The following BMP5 variants were observed in gnomAD, a reference collection of about 807,000 sequenced individuals.
BMP5 encodes bone morphogenetic protein 5.
A neutral mutation model predicts 46.6 loss-of-function variants in BMP5; 23 were observed. The observed-to-expected ratio is 0.49, with a 90% confidence interval of 0.35 to 0.70. The LOEUF is 0.70. Ranked by LOEUF, BMP5 falls within the 30% of genes least tolerant of loss-of-function variation. The pLI is 0.00. For missense variants in BMP5, 545 were observed against 565.6 expected, an observed-to-expected ratio of 0.96 and a Z score of 0.37; for synonymous variants, 204 against 191.9, an observed-to-expected ratio of 1.06 and a Z score of -0.52.
At chr6:55,789,046 T>C (rs1775515474) in intron 3 of BMP5, among the ~76,000 whole-genome samples, 1 of 151,862 alleles carries the variant, frequency 6.6e-6, no homozygotes, top group African/African-American at 2.4e-5. Context: ...TTGAAAATTA[T>C]GCTGACTTTG....
At chr6:55,857,882 C>T (rs1222910754) in intron 1 of BMP5, among the ~76,000 whole-genome samples, 1 of 152,092 alleles carries the variant, frequency 6.6e-6, no homozygotes, top group East Asian at 1.9e-4. Flanking sequence ...GGATTACAGG[C>T]ATGCGCCACC....
chr6:55,762,285 G>A (rs1236733061), intron 4 of BMP5, among the ~76,000 whole-genome samples: 2 of 152,010 alleles, frequency 1.3e-5, no homozygotes, highest in African/African-American at 4.8e-5. Context: ...TTGTTAAAGT[G>A]TCACCTTCCT....
intron 1 of BMP5, among the ~76,000 whole-genome samples, chr6:55,862,529 T>A (rs1409882476): frequency 1.3e-5 from 2 of 152,178 alleles, no homozygotes; most frequent in Non-Finnish European, 2.9e-5. Flanking sequence ...AAAATCTTTA[T>A]CCATCACAAT....
At chr6:55,853,536 T>C (rs1338413191) in intron 1 of BMP5, among the ~76,000 whole-genome samples, 1 of 152,188 alleles carries the variant, frequency 6.6e-6, no homozygotes, top group Non-Finnish European at 1.5e-5. Context: ...AACCAACTAT[T>C]AGTCATTCTG....
At position 55,766,103 on chromosome 6, in the gene BMP5, C is replaced by A. The variant is rs1774910469; in HGVS notation, c.1028-5570G>T. 2.0e-5 allele frequency among the ~76,000 whole-genome samples: 3 copies of A among 152,172 alleles called. No individual in the cohort carries two copies. The South Asian group carries it at 6.2e-4, about 32-fold the overall frequency. On this transcript the variant is annotated intron_variant, in intron 4 of 6. Transcript: ENST00000370830. ...TCCTATATTAAATGGATCCACAAAGCCTCATTAGTTGATCAATTTCACTAT... is the reference window on the plus strand; with the variant it reads ...TCCTATATTAAATGGATCCACAAAGACTCATTAGTTGATCAATTTCACTAT...
intron 1 of BMP5, among the ~76,000 whole-genome samples, chr6:55,834,819 G>A (rs191957194): frequency 5.0e-4 from 76 of 152,198 alleles, no homozygotes; most frequent in Admixed American, 4.3e-3. Context: ...AGCGGCTCAC[G>A]CCTGTAATCC....
In BMP5 at chr6:55,856,993, T is replaced by C. The variant is rs116211391; in HGVS notation, c.490+17383A>G. ...AAACATTTTAATTTATTACTTTCCA[T>C]ATACAGAGTTGACACTGCCGAAGCT... On this transcript the variant is annotated intron_variant, in intron 1 of 6. Coordinates refer to ENST00000370830, the MANE Select transcript of BMP5 (RefSeq NM_021073.4). Among the ~76,000 whole-genome samples, 1,218 of 152,266 alleles carry C rather than the reference T, an allele frequency of 8.0e-3. 16 individuals carry two copies. The highest frequency in any genetic ancestry group is 0.011 in the Non-Finnish European group (750 of 67,986).
At chr6:55,842,911 T>A (rs1293435398) in intron 1 of BMP5, among the ~76,000 whole-genome samples, 2 of 152,136 alleles carry the variant, frequency 1.3e-5, no homozygotes, top group African/African-American at 4.8e-5. Flanking sequence ...AAATTACATA[T>A]ATCAACTGTA....
chr6:55,841,929 A>AGAGT (rs1299078042), intron 1 of BMP5, among the ~76,000 whole-genome samples: 4 of 152,002 alleles, frequency 2.6e-5, no homozygotes, highest in African/African-American at 9.7e-5. Flanking sequence ...AGAGAGAGAG[A>AGAGT]GAGAGAGAGA....
At chr6:55,867,400 A>AAAACAAAACG (rs1317840023) in intron 1 of BMP5, among the ~76,000 whole-genome samples, 4 of 152,192 alleles carry the variant, frequency 2.6e-5, no homozygotes, top group African/African-American at 9.6e-5. Flanking sequence ...GCAACAAAAC[A>AAAACAAAACG]AAACAAAACC....
At chr6:55,858,006 G>T (rs530834976) in intron 1 of BMP5, among the ~76,000 whole-genome samples, 2 of 152,298 alleles carry the variant, frequency 1.3e-5, no homozygotes, top group South Asian at 2.1e-4. Context: ...CCAAAGTGCT[G>T]GGATGACAGG....
At chr6:55,833,600 C>T (rs1776715758) in intron 1 of BMP5, among the ~76,000 whole-genome samples, 1 of 152,078 alleles carries the variant, frequency 6.6e-6, no homozygotes, top group African/African-American at 2.4e-5. Context: ...TAGGTGAACT[C>T]ATTTGAAAGA....
intron 1 of BMP5, among the ~76,000 whole-genome samples, chr6:55,848,527 T>C (rs1423889791): frequency 6.6e-6 from 1 of 151,980 alleles, no homozygotes; most frequent in Non-Finnish European, 1.5e-5. Flanking sequence ...AGAAAGTTCT[T>C]GTTTATCTCA....
At position 55,874,689 on chromosome 6, in the gene BMP5, C is replaced by A. The variant is rs1201145179; in HGVS notation, c.177G>T (p.Leu59Phe). Reference sequence around the variant, plus strand: ...ATGGTCTGGGTCTGTGAGGCAAACCCAAGATAGAGAGAATTTCCCTTTGTA... The same window carrying A: ...ATGGTCTGGGTCTGTGAGGCAAACCAAAGATAGAGAGAATTTCCCTTTGTA... ...REIQREILSILGLPHRPRPFS... is the reference protein window; with the variant it reads ...REIQREILSIFGLPHRPRPFS... The change falls in exon 1 of 7, where the codon TTG (leucine) becomes TTT (phenylalanine). Residue 59 changes from leucine (L) to phenylalanine (F), a missense_variant. Transcript: ENST00000370830. 1 of 1,613,430 alleles carries A rather than the reference C, an allele frequency of 6.2e-7. No homozygotes were observed.
intron 4 of BMP5, chr6:55,772,852 T>G (rs1775079287): frequency 4.1e-6 from 4 of 985,106 alleles, no homozygotes; most frequent in Non-Finnish European, 4.8e-6. Flanking sequence ...GTGATTCTCC[T>G]GGTGCCTACC....
intron 1 of BMP5, among the ~76,000 whole-genome samples, chr6:55,865,773 A>G (rs1777627583): frequency 6.6e-6 from 1 of 152,220 alleles, no homozygotes; most frequent in African/African-American, 2.4e-5. Context: ...TATTTGTCTC[A>G]TGTAGGCTCA....
chr6:55,826,875 C>T (rs2127540910), intron 1 of BMP5, among the ~76,000 whole-genome samples: 1 of 151,702 alleles, frequency 6.6e-6, no homozygotes, highest in East Asian at 1.9e-4. Flanking sequence ...ATCACAAAGC[C>T]AGAGATAATA....
intron 1 of BMP5, among the ~76,000 whole-genome samples, chr6:55,824,279 A>G (rs1291996503): frequency 6.6e-6 from 1 of 151,934 alleles, no homozygotes; most frequent in Non-Finnish European, 1.5e-5. Context: ...AGTAAATGAG[A>G]AGAAAAAAAA....
chr6:55,795,352 C>A (rs1307711326), intron 2 of BMP5, among the ~76,000 whole-genome samples: 1 of 151,858 alleles, frequency 6.6e-6, no homozygotes, highest in Non-Finnish European at 1.5e-5. Flanking sequence ...AGAAATAACA[C>A]CATTATGCAT....
Sources: allele counts gnomAD v4.1 joint callset (sites outside exome capture counted in the v4.1 genomes callset), GRCh38; gene constraint gnomAD v4.1.1; transcripts MANE v1.5; gene names NCBI Gene and HGNC (gene_info 2026-07-23, HGNC 2026-07-21).